SH3TC1: variants seen among roughly 807,000 people sequenced by gnomAD.
The protein encoded by SH3TC1 is SH3 domain and tetratricopeptide repeats 1, also known as SH3 domain and tetratricopeptide repeat-containing protein 1.
A neutral mutation model predicts 117.3 loss-of-function variants in SH3TC1; 135 were observed. The observed-to-expected ratio is 1.15, with a 90% CI of 1.00 to 1.33. SH3TC1 has a LOEUF of 1.33. SH3TC1 is among the 40% of genes most tolerant of loss of function. The probability of loss-of-function intolerance (pLI) is 0.00; values close to 1 mark genes in which losing one functional copy is unlikely to be tolerated. For missense variants in SH3TC1, 2,092 were observed against 1,794.3 expected, an observed-to-expected ratio of 1.17 and a Z score of -3.00; for synonymous variants, 898 against 816.9, an observed-to-expected ratio of 1.10 and a Z score of -1.69.
In SH3TC1 at chr4:8,209,752, G is replaced by T; in HGVS notation, c.177G>T (p.Glu59Asp). The part of the protein sequence containing the change: ...EEAKAPVRGD[E>D]APPARVAGPA... ...TGGGAACCTGCTGTGTTGCAGACGA[G>T]GCTCCTCCTGCCCGCGTGGCTGGGC... Residue 59 changes from glutamate to aspartate, a missense_variant, in exon 3 of 18, where the codon GAG (glutamate) becomes GAT (aspartate). By Grantham distance (45) the Glu-to-Asp change is conservative (BLOSUM62 2). Transcript: ENST00000245105. The surrounding 1 kb of genome is among the most constrained non-coding windows in gnomAD (Gnocchi z 5.9). 1 of 1,613,778 alleles carries T rather than the reference G, an allele frequency of 6.2e-7. No individual in the cohort carries two copies. Among genetic ancestry groups the T allele is most frequent in the Non-Finnish European group, 8.5e-7 (1 of 1,180,000 alleles).
chr4:8,237,395 G>T, intron 16 of SH3TC1, 79 bp from the exon 17 acceptor site: 2 of 1,333,094 alleles, frequency 1.5e-6, no homozygotes, highest in South Asian at 3.1e-5. Flanking sequence ...GCCTGGAGGC[G>T]AGCCAGGTGC....
At chr4:8,194,844 G>C (rs1717511380), upstream of SH3TC1, among the ~76,000 whole-genome samples, 1 of 152,246 alleles carries the variant, frequency 6.6e-6, no homozygotes, top group Non-Finnish European at 1.5e-5. Context: ...GGCAGGACTT[G>C]CTTCCCGGGG....
At chr4:8,196,916 GC>G (rs1717572171), upstream of SH3TC1, among the ~76,000 whole-genome samples, 1 of 152,136 alleles carries the variant, frequency 6.6e-6, no homozygotes, top group African/African-American at 2.4e-5. The surrounding 1 kb of genome is among the most constrained non-coding windows in gnomAD (Gnocchi z 4.6). Flanking sequence ...GTGATTGGGG[GC>G]CAATGTTTCT....
chr4:8,210,542 C>T lies in SH3TC1; in HGVS notation c.247+720C>T, dbSNP rs909915776. 6.6e-5 allele frequency among the ~76,000 whole-genome samples: 10 copies of T among 152,060 alleles called. No homozygotes were observed. The South Asian group carries it at 1.2e-3, about 19-fold the overall frequency. On this transcript the variant is annotated intron_variant, in intron 3 of 17. Transcript: ENST00000245105. The surrounding 1 kb of genome is among the most constrained non-coding windows in gnomAD (Gnocchi z 4.1). ...ATCCCAGCACTTTGGGAGGCCGAGG[C>T]GGGTGGATCACTTGAGGTCAGGAGT...
At chr4:8,224,433 G>A (rs1720271370) in intron 10 of SH3TC1, among the ~76,000 whole-genome samples, 3 of 152,246 alleles carry the variant, frequency 2.0e-5, no homozygotes, top group African/African-American at 7.2e-5. Flanking sequence ...ACACCGTGGG[G>A]TGTTGTGGGC....
chr4:8,217,230 C>T, intron 7 of SH3TC1, 63 bp downstream of exon 7: 4 of 1,539,490 alleles, frequency 2.6e-6, no homozygotes, highest in East Asian at 2.4e-5. Flanking sequence ...AGGCCCGGGT[C>T]ATCTGGAGGT....
chr4:8,195,681 CA>C (rs1374010474), upstream of SH3TC1, among the ~76,000 whole-genome samples: 4 of 151,960 alleles, frequency 2.6e-5, no homozygotes, highest in Non-Finnish European at 2.9e-5. Context: ...ACGTAGCTTC[CA>C]GAAAAACAAA....
chr4:8,232,583 G>A (rs1417930782), intron 13 of SH3TC1: 1 of 1,356,098 alleles, frequency 7.4e-7, no homozygotes, highest in Non-Finnish European at 9.8e-7. Flanking sequence ...GACAGAGCCA[G>A]TTGTGTCACC....
intron 8 of SH3TC1, among the ~76,000 whole-genome samples, chr4:8,219,000 T>C (rs1376932307): frequency 6.6e-6 from 1 of 152,088 alleles, no homozygotes; most frequent in African/African-American, 2.4e-5. Context: ...TAAAGCCCCA[T>C]GCAGGAGCCG....
At chr4:8,185,062 G>A (rs1467932280) in intron 1 of SH3TC1, among the ~76,000 whole-genome samples, 2 of 150,556 alleles carry the variant, frequency 1.3e-5, no homozygotes, top group Admixed American at 6.6e-5. Flanking sequence ...TACATAGGGT[G>A]CGGTGGCTCA....
intron 8 of SH3TC1, among the ~76,000 whole-genome samples, chr4:8,218,555 C>T (rs1317067384): frequency 1.3e-5 from 2 of 152,198 alleles, no homozygotes; most frequent in African/African-American, 2.4e-5. Flanking sequence ...CTTGTGAGGT[C>T]ATAACTGACA....
Position 8,190,130 on chromosome 4 carries a change from C to CCA in SH3TC1, c.-57+7921_-57+7922dup, listed in dbSNP as rs1460081585. Among the ~76,000 whole-genome samples the CCA allele has an allele frequency of 6.6e-6, 1 of 152,188 alleles. No individual in the cohort carries two copies. On this transcript the variant is annotated intron_variant, in intron 1 of 16. Coordinates refer to the SH3TC1 transcript ENST00000508641. This position sits in a 1 kb window ranked among gnomAD's most constrained non-coding sequence, Gnocchi z 4.7. ...CACTGGCCGCAGGTGCCTGCGATCACCAGTGTGCTCCCCGTGACATCTGGC... is the reference window on the plus strand; with the variant it reads ...CACTGGCCGCAGGTGCCTGCGATCACCACAGTGTGCTCCCCGTGACATCTGGC...
chr4:8,205,714 C>G lies in SH3TC1; in HGVS notation c.172+348C>G. On this transcript the variant is annotated intron_variant, in intron 2 of 17. Transcript: ENST00000245105. The surrounding 1 kb of genome is among the most constrained non-coding windows in gnomAD (Gnocchi z 5.4). ...TGGCCTTGGAACCCCTGAGAGTCCT[C>G]AGGATGAGGCATCCTCGTTCTCCAG... The G allele has an allele frequency of 1.4e-6, 1 of 699,402 alleles. No homozygotes were observed. 43.3% of individuals were successfully genotyped at this position (699,402 alleles called of 1,614,324 possible).
At chr4:8,198,702 T>C (rs1390479220), upstream of SH3TC1, among the ~76,000 whole-genome samples, 2 of 152,146 alleles carry the variant, frequency 1.3e-5, no homozygotes, top group East Asian at 3.9e-4. Flanking sequence ...CAAGGAGAGC[T>C]TGCGGTGAGG....
At position 8,183,346 on chromosome 4, in the gene SH3TC1, G is replaced by A. The variant is rs1156374092; in HGVS notation, c.-57+1136G>A. Among the ~76,000 whole-genome samples, 3 of 152,174 alleles carry A rather than the reference G, an allele frequency of 2.0e-5. No individual in the cohort carries two copies. The highest frequency in any genetic ancestry group is 7.2e-5 in the African/African-American group (3 of 41,454). ...GATGCCCTTCCAAAGCCCTGCCTCGGTTTCCTGGTGCTGTGGGAACAATGA... is the reference window on the plus strand; with the variant it reads ...GATGCCCTTCCAAAGCCCTGCCTCGATTTCCTGGTGCTGTGGGAACAATGA... On this transcript the variant is annotated intron_variant, in intron 1 of 16. Coordinates refer to the SH3TC1 transcript ENST00000508641. This position sits in a 1 kb window ranked among gnomAD's most constrained non-coding sequence, Gnocchi z 5.4.
In SH3TC1 at chr4:8,234,521, G is replaced by A. The variant is rs62286470; in HGVS notation, c.3283-912G>A. Among the ~76,000 whole-genome samples, 20 of 145,126 alleles carry A rather than the reference G, an allele frequency of 1.4e-4. No individual in the cohort carries two copies. The East Asian group carries it at 2.8e-3, about 20-fold the overall frequency. On this transcript the variant is annotated intron_variant, in intron 14 of 17. Coordinates refer to ENST00000245105, the MANE Select transcript of SH3TC1 (RefSeq NM_018986.5). ...CATCCATCCATTCATCTGTCCATCC[G>A]TCCGTCCATCCATCCATCCACCCAC...
rs150050649 is a variant in SH3TC1 at position 8,237,509 on chromosome 4, C to G, written c.3592C>G (p.Leu1198Val). The change falls in exon 17 of 18, where the codon CTG becomes GTG. Residue 1198 changes from leucine (L) to valine (V), a missense_variant. By Grantham distance (32) the Leu-to-Val change is conservative (BLOSUM62 1). Transcript: ENST00000245105. ...RLNERVAYHR[L>V]AALQHRLGHG... is the part of the protein sequence containing the mutation. ...GAACGAGCGCGTGGCCTACCACCGGCTGGCCGCCCTGCAACACCGACTGGG... is the reference window on the plus strand; with the variant it reads ...GAACGAGCGCGTGGCCTACCACCGGGTGGCCGCCCTGCAACACCGACTGGG... 91 of 1,603,354 alleles carry G rather than the reference C, an allele frequency of 5.7e-5. No individual in the cohort carries two copies. Among genetic ancestry groups the G allele is most frequent in the Middle Eastern group, 1.8e-4 (1 of 5,608 alleles).
chr4:8,209,784 C>A lies in SH3TC1; in HGVS notation c.209C>A (p.Ala70Asp). ...CCTGCCCGCGTGGCTGGGCCTGCTG[C>A]TGGGACCCCTCCCTGCCAGATGGGG... ...APPARVAGPAAGTPPCQMGVY... is the reference protein window; with the variant it reads ...APPARVAGPADGTPPCQMGVY... Residue 70 changes from alanine to aspartate, a missense_variant, in exon 3 of 18, where the codon GCT becomes GAT. Physicochemically the swap from Ala to Asp is moderately radical, Grantham distance 126 (BLOSUM62 -2). Coordinates refer to ENST00000245105, the MANE Select transcript of SH3TC1 (RefSeq NM_018986.5). The surrounding 1 kb of genome is among the most constrained non-coding windows in gnomAD (Gnocchi z 5.9). 6.2e-7 allele frequency: 1 copy of A among 1,613,634 alleles called. No individual in the cohort carries two copies. The highest frequency in any genetic ancestry group is 8.5e-7 in the Non-Finnish European group (1 of 1,180,000).
rs570577867 is a variant in SH3TC1, at chr4:8,234,062, TCATC to T, written c.3282+557_3282+560del. ...CATCCATCATTCATCCATCCTTTTA[TCATC>T]CATCCATTTATTCATCCATCATTCC... On this transcript the variant is annotated intron_variant, in intron 14 of 17. Transcript: ENST00000245105. 9.3e-3 allele frequency among the ~76,000 whole-genome samples: 1,383 copies of T among 149,484 alleles called. 7 individuals carry two copies. Among genetic ancestry groups the T allele is most frequent in the Admixed American group, 0.017 (253 of 15,070 alleles).
Sources: gnomAD v4.1 joint callset for allele counts (sites outside exome capture counted in the v4.1 genomes callset) on GRCh38, gnomAD v4.1.1 for gene constraint, Gnocchi (gnomAD v3.1) non-coding constraint, MANE v1.5 for transcripts, NCBI Gene and HGNC (gene_info 2026-07-23, HGNC 2026-07-21) for gene names.